The following SMYD3 variants were observed in gnomAD, a reference collection of about 807,000 sequenced individuals.
The protein encoded by SMYD3 is SET and MYND domain containing 3.
A neutral mutation model predicts 57.7 loss-of-function variants in SMYD3; 36 were observed. That is an observed-to-expected ratio of 0.62 (90% CI 0.48 to 0.82). SMYD3 has a LOEUF of 0.82. SMYD3 is among the 40% of genes least tolerant of loss of function. The pLI is 0.00. For synonymous variants in SMYD3, 211 were observed against 195.0 expected, an observed-to-expected ratio of 1.08 and a Z score of -0.68; for missense variants, 515 against 538.8, an observed-to-expected ratio of 0.96 and a Z score of 0.44.
intron 5 of SMYD3, among the ~76,000 whole-genome samples, chr1:246,298,761 T>C (rs1424061357): frequency 4.6e-5 from 7 of 152,072 alleles, no homozygotes; most frequent in Non-Finnish European, 8.8e-5. Context: ...AGAAAATGTC[T>C]AGGTCTGCCT....
At chr1:246,385,357 G>A (rs1470460813) in intron 1 of SMYD3, among the ~76,000 whole-genome samples, 2 of 151,982 alleles carry the variant, frequency 1.3e-5, no homozygotes, top group Non-Finnish European at 2.9e-5. Context: ...CATTTCCTAA[G>A]TATTTCAATT....
chr1:246,010,639 A>T (rs2059264812), intron 5 of SMYD3, among the ~76,000 whole-genome samples: 1 of 152,220 alleles, frequency 6.6e-6, no homozygotes, highest in African/African-American at 2.4e-5. Context: ...AGGAAAGACA[A>T]GGAAAAATGG....
intron 5 of SMYD3, among the ~76,000 whole-genome samples, chr1:246,174,284 C>A (rs1451503560): frequency 6.6e-6 from 1 of 152,068 alleles, no homozygotes; most frequent in Admixed American, 6.6e-5. Context: ...GTTTTTAATA[C>A]CAGGTTCACC....
intron 1 of SMYD3, among the ~76,000 whole-genome samples, chr1:246,421,321 T>C (rs1314179521): frequency 1.3e-5 from 2 of 150,920 alleles, no homozygotes; most frequent in East Asian, 3.9e-4. Context: ...AAAAATAAAG[T>C]GCCATTACTA....
In SMYD3 at chr1:245,814,515, T is replaced by C. The variant is rs894905151; in HGVS notation, c.1076+43981A>G. 4 of 568,644 alleles carry C rather than the reference T, an allele frequency of 7.0e-6. No homozygotes were observed. In the African/African-American group the frequency reaches 8.2e-5, roughly 12 times the overall value. 35.2% of individuals were successfully genotyped at this position (568,644 alleles called of 1,614,324 possible). A position where few individuals can be genotyped will look rare whatever the true frequency, so the allele number is the denominator to read the frequency against. On this transcript the variant is annotated intron_variant, in intron 10 of 11. Transcript: ENST00000490107. Reference sequence around the variant, plus strand: ...GTTACACCACATACTTGTTTTAAAGTCTTGCCCTTCTAGTACTGACTACAC... The same window carrying C: ...GTTACACCACATACTTGTTTTAAAGCCTTGCCCTTCTAGTACTGACTACAC...
intron 5 of SMYD3, among the ~76,000 whole-genome samples, chr1:245,949,407 G>A (rs1156370539): frequency 6.6e-6 from 1 of 152,022 alleles, no homozygotes; most frequent in Admixed American, 6.5e-5. Context: ...ACCACCCAGA[G>A]CCACTGAGGA....
chr1:246,035,725 A>G (rs1217013863), intron 5 of SMYD3: 1 of 152,178 alleles, frequency 6.6e-6, no homozygotes, highest in Admixed American at 6.5e-5. Flanking sequence ...AGTCTGCAAC[A>G]TGCGCTCATC....
intron 5 of SMYD3, among the ~76,000 whole-genome samples, chr1:246,064,338 G>A (rs911954805): frequency 6.6e-6 from 1 of 152,080 alleles, no homozygotes; most frequent in African/African-American, 2.4e-5. Flanking sequence ...TCTCCCTTTT[G>A]TACTCTCTGT....
At chr1:246,294,286 G>C (rs555960436) in intron 5 of SMYD3, among the ~76,000 whole-genome samples, 10 of 152,294 alleles carry the variant, frequency 6.6e-5, no homozygotes, top group Middle Eastern at 3.4e-3. Flanking sequence ...ATGAATGATA[G>C]ACAATTACAG....
At chr1:246,295,971 C>A (rs1342253272) in intron 5 of SMYD3, among the ~76,000 whole-genome samples, 1 of 152,188 alleles carries the variant, frequency 6.6e-6, no homozygotes, top group Non-Finnish European at 1.5e-5. Context: ...TTTTGTTCTG[C>A]TGTTGTATGT....
At chr1:246,431,823 G>A (rs2067300388) in intron 1 of SMYD3, among the ~76,000 whole-genome samples, 1 of 152,044 alleles carries the variant, frequency 6.6e-6, no homozygotes, top group Non-Finnish European at 1.5e-5. Flanking sequence ...TTAACTCTAG[G>A]CAACAAGTTC....
intron 1 of SMYD3, among the ~76,000 whole-genome samples, chr1:246,423,496 T>G (rs1459640860): frequency 2.7e-5 from 4 of 150,034 alleles, no homozygotes; most frequent in African/African-American, 4.9e-5. Context: ...AGTCCAGGAG[T>G]TCAAGACAAG....
At chr1:246,315,583 G>A (rs2065143082) in intron 5 of SMYD3, among the ~76,000 whole-genome samples, 1 of 152,210 alleles carries the variant, frequency 6.6e-6, no homozygotes, top group Non-Finnish European at 1.5e-5. Flanking sequence ...AACTCTTCCA[G>A]GAAGAAGTAG....
intron 8 of SMYD3, among the ~76,000 whole-genome samples, chr1:245,878,620 A>T (rs2052614062): frequency 6.6e-6 from 1 of 152,196 alleles, no homozygotes; most frequent in South Asian, 2.1e-4. Flanking sequence ...AGCAGTAGTG[A>T]GGGTCTGGGA....
intron 5 of SMYD3, among the ~76,000 whole-genome samples, chr1:246,056,176 TA>T (rs150288930): frequency 0.033 from 5,066 of 152,180 alleles, 288 homozygotes; most frequent in African/African-American, 0.12. Context: ...TTTAACTGCA[TA>T]AAATTATTGC....
intron 1 of SMYD3, among the ~76,000 whole-genome samples, chr1:246,443,230 C>T (rs1010216330): frequency 2.0e-5 from 3 of 152,178 alleles, no homozygotes; most frequent in East Asian, 3.9e-4. Flanking sequence ...GTGTTAAACC[C>T]TATTTAATAT....
chr1:246,098,595 C>CT (rs1303969719), intron 5 of SMYD3, among the ~76,000 whole-genome samples: 1 of 152,096 alleles, frequency 6.6e-6, no homozygotes, highest in Non-Finnish European at 1.5e-5. Context: ...ATGACAAAAT[C>CT]TTAGAACTTT....
Position 246,183,486 on chromosome 1 carries a change from A to T in SMYD3, c.531+143715T>A, listed in dbSNP as rs952824474. ...TGTCAGAACAAGGTTAAGAAGAAGC[A>T]AGGTGAGAAATCAGGGAAAATGCAA... is the stretch of plus-strand genomic sequence containing the variant. On this transcript the variant is annotated intron_variant, in intron 5 of 11. Coordinates refer to ENST00000490107, the MANE Select transcript of SMYD3 (RefSeq NM_001167740.2). Among the ~76,000 whole-genome samples the T allele has an allele frequency of 3.7e-4, 56 of 151,972 alleles. 1 individual carries two copies. The highest frequency in any genetic ancestry group is 1.3e-3 in the African/African-American group (52 of 41,364).
chr1:245,999,241 G>T (rs2058990485), intron 5 of SMYD3, among the ~76,000 whole-genome samples: 1 of 151,402 alleles, frequency 6.6e-6, no homozygotes, highest in African/African-American at 2.4e-5. Flanking sequence ...AAAAAAATAA[G>T]AGCTTAAGAA....
Sources: gnomAD v4.1 joint callset for allele counts (sites outside exome capture counted in the v4.1 genomes callset) on GRCh38, gnomAD v4.1.1 for gene constraint, MANE v1.5 for transcripts, NCBI Gene and HGNC (gene_info 2026-07-23, HGNC 2026-07-21) for gene names.